The following YKT6 variants were observed in gnomAD, a reference collection of about 807,000 sequenced individuals.
The protein encoded by YKT6 is YKT6 vesicular SNARE protein.
Under a neutral mutation model 29.3 loss-of-function variants are expected in YKT6, and 12 were observed. The ratio of observed to expected loss-of-function variants is 0.41; its 90% CI spans 0.26 to 0.66. YKT6 has a LOEUF of 0.66. YKT6 is among the 30% of genes least tolerant of loss of function. The probability of loss-of-function intolerance (pLI) is 0.32; values close to 1 mark genes in which losing one functional copy is unlikely to be tolerated. For synonymous variants in YKT6, 86 were observed against 94.3 expected, an observed-to-expected ratio of 0.91 and a Z score of 0.51; for missense variants, 188 against 243.8, an observed-to-expected ratio of 0.77 and a Z score of 1.52.
intron 6 of YKT6, chr7:44,211,725 A>T (rs975513416): frequency 1.7e-6 from 1 of 605,206 alleles, no homozygotes; most frequent in African/African-American, 2.0e-5. Context: ...TTGGAGGGAG[A>T]TGGCTAGGTG....
chr7:44,201,646 G>T (rs546605389), intron 1 of YKT6, among the ~76,000 whole-genome samples: 2 of 152,314 alleles, frequency 1.3e-5, no homozygotes, highest in African/African-American at 4.8e-5. Flanking sequence ...AAGATGTTCT[G>T]AATTAGTAGA....
intron 5 of YKT6, among the ~76,000 whole-genome samples, chr7:44,209,216 T>C (rs1415296485): frequency 1.3e-5 from 2 of 152,212 alleles, no homozygotes; most frequent in East Asian, 3.8e-4. Context: ...ATAGCTTTAG[T>C]GTGTACATCA....
chr7:44,207,298 C>A, intron 3 of YKT6, 90 bp from the exon 4 acceptor site: 1 of 1,083,564 alleles, frequency 9.2e-7, no homozygotes, highest in Non-Finnish European at 1.4e-6. Flanking sequence ...GAGCCTCATT[C>A]AGGGTGAGGT....
chr7:44,204,843 T>C (rs1018979288), intron 2 of YKT6, among the ~76,000 whole-genome samples, 193 bp downstream of exon 2: 1 of 152,334 alleles, frequency 6.6e-6, no homozygotes, highest in Non-Finnish European at 1.5e-5. Flanking sequence ...CCAGATAAAA[T>C]TGCCCTCAAA....
At chr7:44,201,528 G>A (rs1008964566) in intron 1 of YKT6, among the ~76,000 whole-genome samples, 2 of 152,212 alleles carry the variant, frequency 1.3e-5, no homozygotes, top group Admixed American at 6.5e-5. Context: ...CTCTTTAAGA[G>A]CTTATACCAT....
At position 44,201,092 on chromosome 7, in the gene YKT6, G is replaced by T; in HGVS notation, c.-44G>T. 1 of 1,515,032 alleles carries T rather than the reference G, an allele frequency of 6.6e-7. No individual in the cohort carries two copies. The highest frequency in any genetic ancestry group is 1.9e-4 in the Middle Eastern group (1 of 5,160). The allele number at this position is 1,515,032 out of a possible 1,614,324, so 93.8% of individuals were successfully genotyped here. On this transcript the variant is annotated 5_prime_UTR_variant, in exon 1 of 7. Transcript: ENST00000223369. ...GGCGGCCGCGCTGCTCCCTGAGAACGGGTCCCGCAGCTGGGCAGGCGGGCG... is the reference window on the plus strand; with the variant it reads ...GGCGGCCGCGCTGCTCCCTGAGAACTGGTCCCGCAGCTGGGCAGGCGGGCG...
intron 5 of YKT6, chr7:44,210,722 G>GTATA (rs71563939): frequency 7.7e-5 from 34 of 439,942 alleles, no homozygotes; most frequent in East Asian, 1.3e-4. Context: ...AAATGTGTGT[G>GTATA]TATATATATA....
rs1176670608 is a variant in YKT6, at chr7:44,201,292, G to A, written c.104+53G>A. 5.8e-6 allele frequency: 9 copies of A among 1,547,986 alleles called. No individual in the cohort carries two copies. In the Admixed American group the frequency reaches 1.5e-4, roughly 26 times the overall value. ...GCGGTCGGGCGGAGAGGACTGGGGTGGGGGTCCGAGTCGGAGTGGGCCTGG... is the reference window on the plus strand; with the variant it reads ...GCGGTCGGGCGGAGAGGACTGGGGTAGGGGTCCGAGTCGGAGTGGGCCTGG... On this transcript the variant is annotated intron_variant, in intron 1 of 6. Transcript: ENST00000223369.
chr7:44,208,412 C>T (rs545064854), intron 5 of YKT6: 2 of 520,482 alleles, frequency 3.8e-6, no homozygotes, highest in Non-Finnish European at 6.9e-6. Flanking sequence ...TCTAGGGGAC[C>T]AAGCTGGGAA....
At position 44,212,312 on chromosome 7, in the gene YKT6, T is replaced by G; in HGVS notation, c.*30T>G. 6.2e-7 allele frequency: 1 copy of G among 1,612,754 alleles called. No individual in the cohort carries two copies. Among genetic ancestry groups the G allele is most frequent in the Non-Finnish European group, 8.5e-7 (1 of 1,179,232 alleles). ...GCCTGCCAGAGGCCCAATGCTGGAA[T>G]GGCACCATCATTCACATCAGAACTG... On this transcript the variant is annotated 3_prime_UTR_variant, in exon 7 of 7. Coordinates refer to ENST00000223369, the MANE Select transcript of YKT6 (RefSeq NM_006555.4).
intron 2 of YKT6, 84 bp downstream of exon 2, chr7:44,204,734 A>C (rs1361974749): frequency 1.6e-5 from 21 of 1,310,516 alleles, no homozygotes; most frequent in Non-Finnish European, 2.2e-5. Flanking sequence ...TCTCCTTTCT[A>C]CTGGGACCCT....
intron 2 of YKT6, 141 bp downstream of exon 2, chr7:44,204,791 A>T: frequency 2.7e-6 from 2 of 740,524 alleles, no homozygotes; most frequent in Non-Finnish European, 4.4e-6. Flanking sequence ...TCCTTTTCCT[A>T]TTTATGCAGA....
intron 3 of YKT6, 90 bp from the exon 4 acceptor site, chr7:44,207,298 C>G (rs1583647452): frequency 9.2e-7 from 1 of 1,083,572 alleles, no homozygotes; most frequent in East Asian, 2.5e-5. Flanking sequence ...GAGCCTCATT[C>G]AGGGTGAGGT....
rs147946572 is a variant in YKT6, at chr7:44,201,208, G to A, written c.73G>A (p.Val25Met). 2.0e-4 allele frequency: 327 copies of A among 1,612,684 alleles called. No individual in the cohort carries two copies. Among genetic ancestry groups the A allele is most frequent in the Non-Finnish European group, 2.7e-4 (314 of 1,179,342 alleles). The change falls in exon 1 of 7, where the codon GTG becomes ATG. Residue 25 changes from valine to methionine, a missense_variant. Around this residue, in one of 3 missense-constraint regions of YKT6, gnomAD observed 71 missense variants for 67.3 expected, o/e 1.05. Transcript: ENST00000223369. ...KVVLLKAAYD[V>M]SSFSFFQRSS... is the part of the protein sequence containing the mutation. Reference sequence around the variant, plus strand: ...GGTGCTGCTCAAAGCCGCATACGATGTGTCTTCCTTCAGCTTTTTCCAGAG... The same window carrying A: ...GGTGCTGCTCAAAGCCGCATACGATATGTCTTCCTTCAGCTTTTTCCAGAG...
At chr7:44,203,801 G>T (rs1025719064) in intron 1 of YKT6, among the ~76,000 whole-genome samples, 3 of 152,212 alleles carry the variant, frequency 2.0e-5, no homozygotes, top group Non-Finnish European at 2.9e-5. Flanking sequence ...GGAGCCTGCT[G>T]CAGACTCCCA....
intron 6 of YKT6, 76 bp downstream of exon 6, chr7:44,211,200 C>T (rs772077244): frequency 3.2e-6 from 4 of 1,264,974 alleles, no homozygotes; most frequent in Non-Finnish European, 4.5e-6. Context: ...CTGGCACTCT[C>T]CACTATGAAC....
chr7:44,206,379 C>T lies in YKT6; in HGVS notation c.188-6C>T. 6.2e-7 allele frequency: 1 copy of T among 1,613,944 alleles called. No individual in the cohort carries two copies. Among genetic ancestry groups the T allele is most frequent in the Non-Finnish European group, 8.5e-7 (1 of 1,179,934 alleles). ...CATCCATGTGTCTGATCTCTTGTCT[C>T]CTTAGACTATCTGTGCCACGTCTAC... On this transcript the variant is annotated splice_polypyrimidine_tract_variant and splice_region_variant and intron_variant, in intron 2 of 6. Coordinates refer to ENST00000223369, the MANE Select transcript of YKT6 (RefSeq NM_006555.4).
chr7:44,209,856 T>C (rs974128571), intron 5 of YKT6, among the ~76,000 whole-genome samples: 3 of 152,198 alleles, frequency 2.0e-5, no homozygotes, highest in Non-Finnish European at 4.4e-5. Context: ...TCAGAGTTTG[T>C]AGTGATGACA....
chr7:44,204,426 G>A (rs2096338814), intron 1 of YKT6, 142 bp from the exon 2 acceptor site: 9 of 663,464 alleles, frequency 1.4e-5, no homozygotes, highest in Admixed American at 2.7e-5. Flanking sequence ...CATTTATAGA[G>A]TGTTTGTTAC....
Sources: allele counts gnomAD v4.1 joint callset (sites outside exome capture counted in the v4.1 genomes callset), GRCh38; gene constraint gnomAD v4.1.1; regional missense constraint gnomAD v4.1.1; transcripts MANE v1.5; gene names NCBI Gene and HGNC (gene_info 2026-07-23, HGNC 2026-07-21).